Variants in ZNF469 observed in about 807,000 individuals in gnomAD.
ZNF469 encodes the protein zinc finger protein 469.
In ZNF469, 1 loss-of-function variant was observed where a neutral mutation model predicts 1.0. The observed-to-expected ratio is 1.00, with a 90% confidence interval of 0.35 to 4.73. The LOEUF is 4.73. Among genes scored for constraint, ZNF469 ranks in the 30% most tolerant of loss-of-function variants. The probability of loss-of-function intolerance (pLI) is 0.16; values close to 1 mark genes in which losing one functional copy is unlikely to be tolerated. For synonymous variants in ZNF469, 2,703 were observed against 2,363.4 expected (o/e 1.14, Z -4.17); for missense variants, 6,100 against 5,356.3 (o/e 1.14, Z -4.33).
At chr16:88,293,314 T>TTGGATGGATGGATGGA in the ZNF469 span, among the ~76,000 whole-genome samples, 89 of 146,816 alleles carry the variant, frequency 6.1e-4, 2 homozygotes, top group African/African-American at 1.2e-3. Context: ...GGATGGGTAA[T>TTGGATGGATGGATGGA]TGGATGGATG....
At chr16:88,228,530 G>T in the ZNF469 span, among the ~76,000 whole-genome samples, 1 of 152,240 alleles carries the variant, frequency 6.6e-6, no homozygotes, top group Non-Finnish European at 1.5e-5. Flanking sequence ...AAGCAGAGAC[G>T]CACCCCTGGG....
rs1193947726 is a variant in ZNF469 at position 88,435,687 on chromosome 16, T to C, written c.8217T>C (p.Ala2739=). 3 of 1,550,468 alleles carry C rather than the reference T, an allele frequency of 1.9e-6. No homozygotes were observed. Residue 2739 remains alanine (A), a synonymous_variant, in exon 3 of 3, where the codon GCT becomes GCC. Transcript: ENST00000565624. ...MLCPGRMDGA[A]LGEQPTGQKG... Reference sequence around the variant, plus strand: ...GTCCAGGGAGGATGGATGGTGCAGCTCTGGGGGAACAGCCAACTGGGCAGA... The same window carrying C: ...GTCCAGGGAGGATGGATGGTGCAGCCCTGGGGGAACAGCCAACTGGGCAGA...
chr16:88,429,984 C>G lies in ZNF469; in HGVS notation c.2514C>G (p.Ala838=). 1 of 1,550,382 alleles carries G rather than the reference C, an allele frequency of 6.5e-7. No individual in the cohort carries two copies. Among genetic ancestry groups the G allele is most frequent in the Non-Finnish European group, 8.7e-7 (1 of 1,146,972 alleles). The part of the protein sequence containing the change: ...PASDLDMEDD[A]KLDSLITEAL... ...CGGACCTGGACATGGAGGATGACGC[C>G]AAGCTGGACAGCCTCATCACAGAGG... Residue 838 remains alanine (A), a synonymous_variant, in exon 3 of 3, where the codon GCC becomes GCG. Coordinates refer to ENST00000565624, the MANE Select transcript of ZNF469 (RefSeq NM_001367624.2).
the ZNF469 span, among the ~76,000 whole-genome samples, chr16:88,256,674 A>C: frequency 6.6e-6 from 1 of 152,108 alleles, no homozygotes; most frequent in Non-Finnish European, 1.5e-5. Flanking sequence ...TCCCATCAGC[A>C]ATGAGTGAGA....
chr16:88,273,563 A>G, the ZNF469 span, among the ~76,000 whole-genome samples: 1 of 152,226 alleles, frequency 6.6e-6, no homozygotes, highest in African/African-American at 2.4e-5. Context: ...GGGAATGTAA[A>G]TGGCACCGCA....
chr16:88,240,026 C>A, the ZNF469 span, among the ~76,000 whole-genome samples: 3 of 150,552 alleles, frequency 2.0e-5, no homozygotes, highest in African/African-American at 7.4e-5. Flanking sequence ...GCTGCTCTGG[C>A]CTGTGCTCGG....
At chr16:88,127,619 G>A in the ZNF469 span, among the ~76,000 whole-genome samples, 1 of 152,230 alleles carries the variant, frequency 6.6e-6, no homozygotes, top group Non-Finnish European at 1.5e-5. Context: ...CTGGTGTGAT[G>A]AGCGTCGTCA....
the ZNF469 span, among the ~76,000 whole-genome samples, chr16:88,363,435 G>A: frequency 7.2e-5 from 11 of 152,242 alleles, no homozygotes; most frequent in Non-Finnish European, 1.5e-4. Flanking sequence ...CTCCTCTGTT[G>A]TGGATGACAG....
At chr16:88,138,921 C>T in the ZNF469 span, among the ~76,000 whole-genome samples, 1 of 152,200 alleles carries the variant, frequency 6.6e-6, no homozygotes, top group Non-Finnish European at 1.5e-5. Flanking sequence ...GGCTATTCAC[C>T]ATTCGGCTGC....
At chr16:88,338,169 G>T in the ZNF469 span, among the ~76,000 whole-genome samples, 11 of 151,110 alleles carry the variant, frequency 7.3e-5, no homozygotes, top group South Asian at 2.3e-3. Context: ...GCTGCCAATC[G>T]CCTGGGGAGA....
In ZNF469 at chr16:88,431,607, C is replaced by A; in HGVS notation, c.4137C>A (p.Pro1379=). 6.4e-7 allele frequency: 1 copy of A among 1,550,480 alleles called. No individual in the cohort carries two copies. The highest frequency in any genetic ancestry group is 8.7e-7 in the Non-Finnish European group (1 of 1,146,990). ...AGGGGCCTCAGCCCTACAGCAGCCC[C>A]CACAGTGAGTTGTTCCTCGGACCCA... The part of the protein sequence containing the change: ...AKKGPQPYSS[P]HSELFLGPKD... The change falls in exon 3 of 3, where the codon CCC becomes CCA. Residue 1379 remains proline (P), a synonymous_variant. Coordinates refer to ENST00000565624, the MANE Select transcript of ZNF469 (RefSeq NM_001367624.2).
rs1386079707 is a variant in ZNF469 at position 88,437,662 on chromosome 16, C to T, written c.10192C>T (p.His3398Tyr). The T allele has an allele frequency of 3.6e-5, 55 of 1,547,748 alleles. No individual in the cohort carries two copies. Among genetic ancestry groups the T allele is most frequent in the Non-Finnish European group, 4.8e-5 (55 of 1,145,170 alleles). The change falls in exon 3 of 3, where the codon CAC becomes TAC. Residue 3398 changes from histidine to tyrosine, a missense_variant. Coordinates refer to ENST00000565624, the MANE Select transcript of ZNF469 (RefSeq NM_001367624.2). The part of the protein sequence containing the change: ...HGLLERPELQ[H>Y]TPLYACELCA... ...GCTGCTGGAGCGGCCGGAGCTGCAG[C>T]ACACGCCGCTGTATGCCTGCGAGCT...
chr16:88,117,174 CATGTGAGGGCCGGGGAT>C, the ZNF469 span, among the ~76,000 whole-genome samples: 68,900 of 148,900 alleles, frequency 0.46, 17,079 homozygotes, highest in Middle Eastern at 0.59. Flanking sequence ...GAACTGGGGG[CATGTGAGGGCCGGGGAT>C]GTGTGAGGGC....
chr16:88,221,220 G>A, the ZNF469 span, among the ~76,000 whole-genome samples: 1 of 152,230 alleles, frequency 6.6e-6, no homozygotes, highest in Non-Finnish European at 1.5e-5. Flanking sequence ...ACAGACCCGG[G>A]CTGGCTGGGC....
rs766049010 is a variant in ZNF469, at chr16:88,433,942, G to T, written c.6472G>T (p.Asp2158Tyr). 6.5e-7 allele frequency: 1 copy of T among 1,550,140 alleles called. No individual in the cohort carries two copies. The highest frequency in any genetic ancestry group is 1.2e-5 in the South Asian group (1 of 84,060). The change falls in exon 3 of 3, where the codon GAC (aspartate) becomes TAC (tyrosine). Residue 2158 changes from aspartate (D) to tyrosine (Y), a missense_variant. Asp to Tyr is a radical substitution (Grantham distance 160). Transcript: ENST00000565624. ...GCTGCCAGCATCTCCGTCCTGCAGGGACCCTCCCGGCCCCCAGCAGCTGCT... is the reference window on the plus strand; with the variant it reads ...GCTGCCAGCATCTCCGTCCTGCAGGTACCCTCCCGGCCCCCAGCAGCTGCT... ...GQLPASPSCR[D>Y]PPGPQQLLAC...
the ZNF469 span, among the ~76,000 whole-genome samples, chr16:88,341,677 C>T: frequency 1.6e-4 from 24 of 152,170 alleles, no homozygotes; most frequent in African/African-American, 4.1e-4. Flanking sequence ...CTCGGTTTTG[C>T]CATCTGCGGG....
At chr16:88,144,021 G>GGCAGAGGCA in the ZNF469 span, among the ~76,000 whole-genome samples, 10,652 of 152,186 alleles carry the variant, frequency 0.07, 685 homozygotes, top group East Asian at 0.19. Flanking sequence ...CCAGGCGCAG[G>GGCAGAGGCA]GGAAACGGCG....
At chr16:88,278,731 A>T in the ZNF469 span, among the ~76,000 whole-genome samples, 1 of 135,082 alleles carries the variant, frequency 7.4e-6, no homozygotes, top group Non-Finnish European at 1.7e-5. Context: ...AGTACCACGT[A>T]GATATCAGTG....
At chr16:88,153,878 C>G in the ZNF469 span, among the ~76,000 whole-genome samples, 1 of 152,208 alleles carries the variant, frequency 6.6e-6, no homozygotes, top group Non-Finnish European at 1.5e-5. Context: ...CTGGTGTCTC[C>G]TCCTCTCCCT....
Sources: allele counts gnomAD v4.1 joint callset (sites outside exome capture counted in the v4.1 genomes callset), GRCh38; gene constraint gnomAD v4.1.1; transcripts MANE v1.5; gene names NCBI Gene and HGNC (gene_info 2026-07-23, HGNC 2026-07-21).